MRPS6: variants seen among roughly 807,000 people sequenced by gnomAD.
MRPS6 encodes the protein small ribosomal subunit protein bS6m.
In MRPS6, 6 loss-of-function variants were observed where a neutral mutation model predicts 13.1. That is an observed-to-expected ratio of 0.46 (90% CI 0.25 to 0.91). MRPS6 has a LOEUF of 0.91. MRPS6 is among the 40% of genes least tolerant of loss of function. MRPS6 has a pLI of 0.18. For synonymous variants in MRPS6, 61 were observed against 56.5 expected, an observed-to-expected ratio of 1.08 and a Z score of -0.36; for missense variants, 164 against 155.6, an observed-to-expected ratio of 1.05 and a Z score of -0.29.
chr21:34,096,662 C>T lies in MRPS6; in HGVS notation c.45+22917C>T. The stretch of plus-strand genomic sequence containing the variant: ...TTGGAGCAGTCCGTTTGATACTGGC[C>T]TTTGCCTACCGTGCCCCAGAATGTG... On this transcript the variant is annotated intron_variant, in intron 1 of 2. Coordinates refer to ENST00000399312, the MANE Select transcript of MRPS6 (RefSeq NM_032476.4). This position sits in a 1 kb window ranked among gnomAD's most constrained non-coding sequence, Gnocchi z 5.9. 1.2e-6 allele frequency: 2 copies of T among 1,614,146 alleles called. No individual in the cohort carries two copies. The highest frequency in any genetic ancestry group is 1.3e-5 in the African/African-American group (1 of 75,042).
intron 1 of MRPS6, among the ~76,000 whole-genome samples, chr21:34,078,812 T>C (rs1989393247): frequency 6.6e-6 from 1 of 152,208 alleles, no homozygotes; most frequent in African/African-American, 2.4e-5. Flanking sequence ...TTATAAAAAG[T>C]TGTTGCAATT....
intron 1 of MRPS6, among the ~76,000 whole-genome samples, chr21:34,082,342 A>G (rs1989477845): frequency 6.6e-6 from 1 of 152,206 alleles, no homozygotes; most frequent in South Asian, 2.1e-4. Flanking sequence ...GCTAAAATAT[A>G]CATGTAGGCT....
intron 1 of MRPS6, chr21:34,099,234 C>T (rs1380003071): frequency 1.0e-6 from 1 of 999,844 alleles, no homozygotes; most frequent in Non-Finnish European, 1.2e-6. Flanking sequence ...AATTTGGGGG[C>T]CAAATAGATA....
At chr21:34,083,593 T>A (rs1989506141) in intron 1 of MRPS6, among the ~76,000 whole-genome samples, 1 of 152,214 alleles carries the variant, frequency 6.6e-6, no homozygotes, top group Admixed American at 6.5e-5. Flanking sequence ...TGATTGCCAT[T>A]CTTCTGTTGG....
intron 1 of MRPS6, chr21:34,123,417 G>T (rs1429172286): frequency 6.6e-6 from 1 of 152,092 alleles, no homozygotes; most frequent in Non-Finnish European, 1.5e-5. Context: ...TCTTTGCCAA[G>T]GTGTGCCTCT....
chr21:34,117,244 T>G (rs1304227363), intron 1 of MRPS6, among the ~76,000 whole-genome samples: 1 of 152,164 alleles, frequency 6.6e-6, no homozygotes, highest in African/African-American at 2.4e-5. Context: ...CCATGTTGAT[T>G]CTACCCCAAA....
intron 1 of MRPS6, chr21:34,106,302 A>T (rs944746647): frequency 2.5e-6 from 1 of 397,158 alleles, no homozygotes; most frequent in Non-Finnish European, 3.6e-6. Flanking sequence ...CACTGCCACA[A>T]TGTAGTGTTC....
At chr21:34,123,889 C>T (rs1332008734) in intron 1 of MRPS6, 1 of 152,138 alleles carries the variant, frequency 6.6e-6, no homozygotes, top group Non-Finnish European at 1.5e-5. Flanking sequence ...TCCTCTACCC[C>T]ATTGTCATTC....
At chr21:34,110,121 C>T (rs903786829) in intron 1 of MRPS6, among the ~76,000 whole-genome samples, 20 of 152,128 alleles carry the variant, frequency 1.3e-4, no homozygotes, top group African/African-American at 4.8e-4. Context: ...CTGCTTATTT[C>T]TAAGTGCTAA....
At chr21:34,081,276 G>A (rs1989452743) in intron 1 of MRPS6, among the ~76,000 whole-genome samples, 1 of 152,014 alleles carries the variant, frequency 6.6e-6, no homozygotes, top group South Asian at 2.1e-4. Context: ...AATCATCAGG[G>A]AACTCCAGGT....
intron 1 of MRPS6, among the ~76,000 whole-genome samples, chr21:34,092,703 G>T (rs1978765548): frequency 6.6e-6 from 1 of 152,132 alleles, no homozygotes; most frequent in Non-Finnish European, 1.5e-5. Flanking sequence ...TTCTTTTTCA[G>T]CACTTTGTTC....
chr21:34,079,573 T>G (rs1989412113), intron 1 of MRPS6, among the ~76,000 whole-genome samples: 1 of 148,864 alleles, frequency 6.7e-6, no homozygotes, highest in Non-Finnish European at 1.5e-5. Context: ...GTAGCTGGGA[T>G]TACAGGCATG....
At chr21:34,132,483 A>G (rs1444168650) in intron 2 of MRPS6, among the ~76,000 whole-genome samples, 1 of 152,250 alleles carries the variant, frequency 6.6e-6, no homozygotes, top group Non-Finnish European at 1.5e-5. Context: ...AAGTCAGAGC[A>G]GTTAGGAGGG....
intron 1 of MRPS6, among the ~76,000 whole-genome samples, chr21:34,112,526 A>G (rs1257433336): frequency 6.6e-6 from 1 of 152,194 alleles, no homozygotes; most frequent in Non-Finnish European, 1.5e-5. Context: ...CACCACAGTC[A>G]GTTTTAGAAC....
chr21:34,118,931 C>G (rs1159227385), intron 1 of MRPS6, among the ~76,000 whole-genome samples: 1 of 152,100 alleles, frequency 6.6e-6, no homozygotes, highest in Non-Finnish European at 1.5e-5. Context: ...ATAAAGGTTA[C>G]TTTTCTAGTC....
At position 34,090,490 on chromosome 21, in the gene MRPS6, G is replaced by A. The variant is rs756626780; in HGVS notation, c.45+16745G>A. Among the ~76,000 whole-genome samples, 52 of 152,170 alleles carry A rather than the reference G, an allele frequency of 3.4e-4. 1 individual carries two copies. The highest frequency in any genetic ancestry group is 1.6e-4 in the Non-Finnish European group (11 of 68,024). On this transcript the variant is annotated intron_variant, in intron 1 of 2. Coordinates refer to ENST00000399312, the MANE Select transcript of MRPS6 (RefSeq NM_032476.4). ...AGCTAATAGTTGATGAGACAGTTGGGAGTCTAAAATGTTTGAGAGAGCTGC... is the reference window on the plus strand; with the variant it reads ...AGCTAATAGTTGATGAGACAGTTGGAAGTCTAAAATGTTTGAGAGAGCTGC...
At chr21:34,080,810 C>G (rs1317791865) in intron 1 of MRPS6, among the ~76,000 whole-genome samples, 10 of 152,222 alleles carry the variant, frequency 6.6e-5, no homozygotes, top group Non-Finnish European at 1.5e-4. Context: ...GGTTACTACT[C>G]TCATCTCTAT....
chr21:34,085,008 A>C (rs1328759477), intron 1 of MRPS6, among the ~76,000 whole-genome samples: 1 of 152,206 alleles, frequency 6.6e-6, no homozygotes, highest in African/African-American at 2.4e-5. Flanking sequence ...TAACCACAAC[A>C]TAGTCATCAC....
chr21:34,097,169 C>G (rs1163288109), intron 1 of MRPS6: 10 of 1,613,916 alleles, frequency 6.2e-6, no homozygotes, highest in Non-Finnish European at 8.5e-6. Flanking sequence ...ACTGGAAGTT[C>G]ATAGACTGGT....
Sources: gnomAD v4.1 joint callset for allele counts (sites outside exome capture counted in the v4.1 genomes callset) on GRCh38, gnomAD v4.1.1 for gene constraint, Gnocchi (gnomAD v3.1) non-coding constraint, MANE v1.5 for transcripts, NCBI Gene and HGNC (gene_info 2026-07-23, HGNC 2026-07-21) for gene names.